ARHGAP4: variants seen among roughly 807,000 people sequenced by gnomAD.
ARHGAP4 encodes Rho GTPase activating protein 4.
In ARHGAP4, 25 loss-of-function variants were observed where a neutral mutation model predicts 67.6. The ratio of observed to expected loss-of-function variants is 0.37; its 90% CI spans 0.27 to 0.52. The LOEUF (loss-of-function observed/expected upper bound fraction) is 0.52, where lower values mean the gene tolerates loss of function less well. ARHGAP4 is among the 20% of genes least tolerant of loss of function. The probability of loss-of-function intolerance (pLI) is 0.92; values close to 1 mark genes in which losing one functional copy is unlikely to be tolerated. For synonymous variants in ARHGAP4, 448 were observed against 373.7 expected (o/e 1.20, Z -2.29); for missense variants, 804 against 854.6 (o/e 0.94, Z 0.74).
At position 153,910,592 on chromosome X, in the gene ARHGAP4, C is replaced by T; in HGVS notation, c.1836G>A (p.Glu612=). The part of the protein sequence containing the change: ...LASSELEATA[E]RVEHVSRLLW... Reference sequence around the variant, plus strand: ...GCAGGCGGCTCACGTGCTCCACCCTCTCCGCTGTGGCCTCCAGCTCTGTGG... The same window carrying T: ...GCAGGCGGCTCACGTGCTCCACCCTTTCCGCTGTGGCCTCCAGCTCTGTGG... Residue 612 remains glutamate (E), a synonymous_variant, in exon 16 of 22, where the codon GAG becomes GAA. Transcript: ENST00000350060. The T allele has an allele frequency of 8.3e-7, 1 of 1,207,821 alleles. No individual in the cohort carries two copies.
intron 21 of ARHGAP4, among the ~76,000 whole-genome samples, chrX:153,908,214 C>T (rs1184991332): frequency 8.9e-6 from 1 of 112,032 alleles, no homozygotes; most frequent in African/African-American, 3.2e-5. Flanking sequence ...CTCTTCTCGC[C>T]CCCACTCTTT....
At chrX:153,922,085 CAG>C in intron 1 of ARHGAP4, 1 of 973,390 alleles carries the variant, frequency 1.0e-6, no homozygotes, top group Non-Finnish European at 1.3e-6. Context: ...AAGGGTGTCC[CAG>C]AGAGAGGGGA....
chrX:153,922,890 C>T (rs1203381190), intron 1 of ARHGAP4, among the ~76,000 whole-genome samples: 2 of 111,668 alleles, frequency 1.8e-5, no homozygotes, highest in African/African-American at 3.3e-5. Flanking sequence ...TATCAGAATG[C>T]CCAGGAGTGA....
chrX:153,912,126 T>C (rs1341854741), intron 12 of ARHGAP4, among the ~76,000 whole-genome samples: 3 of 106,058 alleles, frequency 2.8e-5, no homozygotes, highest in African/African-American at 1.0e-4. Flanking sequence ...TTTCCTTCCC[T>C]CTCTCTCTCT....
At chrX:153,915,530 C>T (rs1345918002) in intron 7 of ARHGAP4, among the ~76,000 whole-genome samples, 1 of 111,293 alleles carries the variant, frequency 9.0e-6, no homozygotes, top group Non-Finnish European at 1.9e-5. Flanking sequence ...TATGGTAAAA[C>T]CCTGACTCTA....
In ARHGAP4 at chrX:153,907,816, G is replaced by T. The variant is rs781833487; in HGVS notation, c.2754C>A (p.Asn918Lys). ...CCCCAGGGCCCCGGGAGAAGCCTTT[G>T]TTCCTGCCCAGGCGGCTGCTGGGCG... is the stretch of plus-strand genomic sequence containing the variant. ...KAPPSSRLGR[N>K]KGFSRGPGAP... is the part of the protein sequence containing the mutation. Residue 918 changes from asparagine (N) to lysine (K), a missense_variant, in exon 22 of 22, where the codon AAC becomes AAA. By Grantham distance (94) the Asn-to-Lys change is moderately conservative (BLOSUM62 0). Around this residue, in one of 2 missense-constraint regions of ARHGAP4, gnomAD observed 400 missense variants for 348.7 expected, o/e 1.15. Transcript: ENST00000350060. 2 of 1,012,274 alleles carry T rather than the reference G, an allele frequency of 2.0e-6. No individual in the cohort carries two copies. The highest frequency in any genetic ancestry group is 8.2e-5 in the South Asian group (2 of 24,330). The allele number at this position is 1,012,274 out of a possible 1,213,427, so 83.4% of individuals were successfully genotyped here.
At chrX:153,909,629 G>C in intron 19 of ARHGAP4, 94 bp from the exon 20 acceptor site, 2 of 1,090,936 alleles carry the variant, frequency 1.8e-6, no homozygotes, top group South Asian at 4.4e-5. Context: ...GGTCAGAGAG[G>C]CTCTGTTCTC....
Position 153,924,181 on chromosome X carries a change from TCCCC to T in ARHGAP4, c.67+1951_67+1954del, listed in dbSNP as rs1557105810. 1.2e-4 allele frequency among the ~76,000 whole-genome samples: 13 copies of T among 111,566 alleles called. No homozygotes were observed. The East Asian group carries it at 2.5e-3, about 22-fold the overall frequency. The stretch of plus-strand genomic sequence containing the variant: ...CCTCTGGAGCCTGCCCTGCCCTGCT[TCCCC>T]CAGAGGAATACAATCCCTGGGGACT... On this transcript the variant is annotated intron_variant, in intron 1 of 21. Transcript: ENST00000350060.
intron 7 of ARHGAP4, among the ~76,000 whole-genome samples, chrX:153,916,367 C>G (rs1225910763): frequency 2.6e-5 from 3 of 113,362 alleles, no homozygotes; most frequent in African/African-American, 9.6e-5. Flanking sequence ...TTCCACTACC[C>G]TCTCACTGAG....
Position 153,907,732 on chromosome X carries a change from G to A in ARHGAP4, c.2838C>T (p.His946=), listed in dbSNP as rs200228262. The A allele has an allele frequency of 1.3e-5, 13 of 985,735 alleles. No homozygotes were observed. In the Admixed American group the frequency reaches 4.9e-4, roughly 37 times the overall value. 81.2% of individuals were successfully genotyped at this position (985,735 alleles called of 1,213,427 possible). Residue 946 remains histidine (H), a synonymous_variant, in exon 22 of 22, where the codon CAC becomes CAT. Coordinates refer to ENST00000350060, the MANE Select transcript of ARHGAP4 (RefSeq NM_001666.5). The stretch of plus-strand genomic sequence containing the variant: ...ACGCATCTCCAGCAGCGGCACCTCA[G>A]TGTGGCTTGGGGGTCGTGTCTAGGC... The part of the protein sequence containing the change: ...PQGLDTTPKP[H]
intron 7 of ARHGAP4, among the ~76,000 whole-genome samples, chrX:153,915,022 G>A (rs2065045775): frequency 1.8e-5 from 2 of 112,545 alleles, no homozygotes; most frequent in African/African-American, 6.4e-5. Flanking sequence ...CGCCGTACAG[G>A]ACTGCATGAA....
At chrX:153,910,889 G>GCCCC in intron 14 of ARHGAP4, 33 bp downstream of exon 14, 1 of 1,147,456 alleles carries the variant, frequency 8.7e-7, no homozygotes, top group Non-Finnish European at 1.2e-6. Flanking sequence ...ATCTGCCCGA[G>GCCCC]CCCCCACCCC....
At chrX:153,909,035 C>A (rs782357603) in intron 21 of ARHGAP4, 35 bp downstream of exon 21, 1 of 1,181,403 alleles carries the variant, frequency 8.5e-7, no homozygotes, top group South Asian at 1.8e-5. Context: ...TCCCCCAGGA[C>A]AGATGTCCCT....
chrX:153,912,763 C>T lies in ARHGAP4; in HGVS notation c.1479G>A (p.Gln493=). ...YTQRKFQKSR[Q]PRPSSQYNQR... is the part of the protein sequence containing the mutation. ...GGTTATACTGGGAGCTGGGGCGGGG[C>T]TGGCGGCTCTTCTGGAATTTTCTCT... The change falls in exon 12 of 22, where the codon CAG becomes CAA. Residue 493 remains glutamine (Q), a synonymous_variant. Transcript: ENST00000350060. The T allele has an allele frequency of 3.3e-6, 4 of 1,211,562 alleles. No homozygotes were observed. The highest frequency in any genetic ancestry group is 3.0e-5 in the East Asian group (1 of 33,868).
At chrX:153,924,153 G>A (rs1328083845) in intron 1 of ARHGAP4, among the ~76,000 whole-genome samples, 1 of 111,855 alleles carries the variant, frequency 8.9e-6, no homozygotes, top group Non-Finnish European at 1.9e-5. Flanking sequence ...TCGCCTCACT[G>A]GCCCTCTGGA....
intron 1 of ARHGAP4, chrX:153,922,292 G>GCGATCT: frequency 3.9e-6 from 3 of 764,761 alleles, no homozygotes; most frequent in Non-Finnish European, 4.6e-6. Context: ...CAAGCCTGCA[G>GCGATCT]CGATCTCGCA....
chrX:153,920,071 C>T (rs2065082649), intron 5 of ARHGAP4, among the ~76,000 whole-genome samples: 1 of 112,127 alleles, frequency 8.9e-6, no homozygotes, highest in Admixed American at 9.4e-5. Context: ...AGGCGTGAGT[C>T]ACCGCACCTG....
chrX:153,924,665 G>A (rs2065116274), intron 1 of ARHGAP4, among the ~76,000 whole-genome samples: 2 of 111,639 alleles, frequency 1.8e-5, no homozygotes, highest in Non-Finnish European at 3.8e-5. Flanking sequence ...GGAGGGGCTG[G>A]AGTCGGGGTT....
rs2064980597 is a variant in ARHGAP4, at chrX:153,907,705, G to A, written c.*24C>T. On this transcript the variant is annotated 3_prime_UTR_variant, in exon 22 of 22. Coordinates refer to ENST00000350060, the MANE Select transcript of ARHGAP4 (RefSeq NM_001666.5). Reference sequence around the variant, plus strand: ...CCGGTCCAGCGGGTAGCCGCCGGGGGCACGCATCTCCAGCAGCGGCACCTC... The same window carrying A: ...CCGGTCCAGCGGGTAGCCGCCGGGGACACGCATCTCCAGCAGCGGCACCTC... The A allele has an allele frequency of 3.5e-6, 3 of 865,766 alleles. No homozygotes were observed. Among genetic ancestry groups the A allele is most frequent in the African/African-American group, 2.1e-5 (1 of 48,512 alleles). 71.3% of individuals were successfully genotyped at this position (865,766 alleles called of 1,213,427 possible). A position where few individuals can be genotyped will look rare whatever the true frequency, so the allele number is the denominator to read the frequency against.
Sources: gnomAD v4.1 joint callset for allele counts (sites outside exome capture counted in the v4.1 genomes callset) on GRCh38, gnomAD v4.1.1 for gene constraint, gnomAD v4.1.1 regional missense constraint, MANE v1.5 for transcripts, NCBI Gene and HGNC (gene_info 2026-07-23, HGNC 2026-07-21) for gene names.